Variants in MADD observed in about 807,000 individuals in gnomAD.
The protein encoded by MADD is MAP kinase-activating death domain protein.
MADD carries 109 observed loss-of-function variants against 176.7 expected under a neutral mutation model. That is an observed-to-expected ratio of 0.62 (90% CI 0.53 to 0.72). The LOEUF (loss-of-function observed/expected upper bound fraction) is 0.72. Ranked by LOEUF, MADD falls within the 30% of genes least tolerant of loss-of-function variation. MADD has a pLI of 0.00. For missense variants in MADD, 1,914 were observed against 2,045.5 expected (o/e 0.94, Z 1.24); for synonymous variants, 771 against 771.3 (o/e 1.00, Z 0.01).
chr11:47,328,304 C>G, intron 31 of MADD: 1 of 1,176,980 alleles, frequency 8.5e-7, no homozygotes, highest in Non-Finnish European at 1.1e-6. Context: ...TGGGAATTCC[C>G]CACTGCAGCT....
At chr11:47,328,503 C>T (rs1340947064) in intron 31 of MADD, 155 bp from the exon 36 acceptor site, 2 of 1,498,666 alleles carry the variant, frequency 1.3e-6, no homozygotes, top group Non-Finnish European at 1.8e-6. Context: ...CCTCTGGTGG[C>T]CTCTGCCCTG....
intron 26 of MADD, among the ~76,000 whole-genome samples, chr11:47,314,672 T>C (rs529732092): frequency 2.0e-5 from 3 of 152,304 alleles, no homozygotes; most frequent in East Asian, 3.9e-4. Flanking sequence ...CGTCTATTTA[T>C]CTGAAAAGGC....
chr11:47,302,175 T>C (rs760847053), intron 22 of MADD, among the ~76,000 whole-genome samples: 2 of 152,206 alleles, frequency 1.3e-5, no homozygotes, highest in Non-Finnish European at 2.9e-5. Flanking sequence ...TTATATCCTC[T>C]TATTGTTATT....
chr11:47,329,967 C>T (rs546439947), exon 33 of MADD: 1 of 152,772 alleles, frequency 6.5e-6, no homozygotes, highest in South Asian at 2.1e-4. Flanking sequence ...GTAAATATTT[C>T]AGCCCCACAT....
In MADD at chr11:47,327,085, G is replaced by A. The variant is rs541654837; in HGVS notation, c.4612+278G>A. ...CTCAGTGAAGTAGCACCACCTCCCCGTGCTGGGCCAGCCAGTGGTCAGAAA... is the reference window on the plus strand; with the variant it reads ...CTCAGTGAAGTAGCACCACCTCCCCATGCTGGGCCAGCCAGTGGTCAGAAA... On this transcript the variant is annotated intron_variant, in intron 31 of 32. Transcript: ENST00000402192. The A allele has an allele frequency of 3.7e-4, 436 of 1,163,044 alleles. 6 individuals are homozygous for A. The South Asian group carries it at 0.01, about 28-fold the overall frequency. The allele number at this position is 1,163,044 out of a possible 1,614,324, so 72.0% of individuals were successfully genotyped here. A position where few individuals can be genotyped will look rare whatever the true frequency, so the allele number is the denominator to read the frequency against.
chr11:47,271,666 T>G (rs983206402), intron 1 of MADD, among the ~76,000 whole-genome samples: 10 of 152,140 alleles, frequency 6.6e-5, no homozygotes, highest in Non-Finnish European at 8.8e-5. Flanking sequence ...GAGCTCTGGT[T>G]CTATAAATTC....
intron 19 of MADD, among the ~76,000 whole-genome samples, chr11:47,291,425 CA>C (rs2065182209): frequency 6.6e-6 from 1 of 152,180 alleles, no homozygotes; most frequent in Non-Finnish European, 1.5e-5. Flanking sequence ...GCTTTCTAGG[CA>C]TCACCTCTGT....
exon 23 of MADD, chr11:47,308,665 G>A (rs751658978): frequency 9.3e-6 from 15 of 1,613,928 alleles, no homozygotes; most frequent in African/African-American, 5.3e-5. Flanking sequence ...CTGAAGATGT[G>A]AGCCAGCGAG....
At chr11:47,292,512 T>G in intron 19 of MADD, 31 bp from the exon 21 acceptor site, 8 of 1,609,942 alleles carry the variant, frequency 5.0e-6, no homozygotes, top group Non-Finnish European at 6.8e-6. Context: ...CTTTCTGTCT[T>G]TCTCTCCTGC....
In MADD at chr11:47,276,160, C is replaced by T. The variant is rs376847287; in HGVS notation, c.921C>T (p.Asp307=). 6 of 1,613,696 alleles carry T rather than the reference C, an allele frequency of 3.7e-6. No individual in the cohort carries two copies. In the African/African-American group the frequency reaches 4.0e-5, roughly 11 times the overall value. The change falls in exon 4 of 33, where the codon GAC becomes GAT. Residue 307 remains aspartate (D), a synonymous_variant. Coordinates refer to ENST00000402192, the Ensembl canonical transcript of MADD. The stretch of plus-strand genomic sequence containing the variant: ...TTCCCTTGGAACTTCTAGGTGTGGA[C>T]GCCTGTCTCCAGGTGCTAACCTGCA...
chr11:47,284,231 G>A (rs757492664), exon 11 of MADD: 1 of 1,613,960 alleles, frequency 6.2e-7, no homozygotes, highest in East Asian at 2.2e-5. Context: ...TCCTCCCTTG[G>A]TGACTTTGTC....
At chr11:47,313,569 G>T (rs1285799317) in intron 26 of MADD, among the ~76,000 whole-genome samples, 1 of 151,434 alleles carries the variant, frequency 6.6e-6, no homozygotes. Flanking sequence ...TAGTCAATCC[G>T]CCCACCTTGG....
chr11:47,304,322 G>A (rs967004685), intron 22 of MADD, among the ~76,000 whole-genome samples: 4 of 150,552 alleles, frequency 2.7e-5, no homozygotes, highest in South Asian at 2.1e-4. Context: ...CCTCTGACTC[G>A]TGGGTTAAAG....
rs757707108 is a variant in MADD at position 47,309,037 on chromosome 11, C to T, written c.3752-244C>T. ...GAGGATGCAGCTATGGAGACCTTTT[C>T]TATAAGTAACCACATTTATTTGTGT... is the stretch of plus-strand genomic sequence containing the variant. On this transcript the variant is annotated intron_variant, in intron 23 of 32. Coordinates refer to ENST00000402192, the Ensembl canonical transcript of MADD. 3 of 1,614,058 alleles carry T rather than the reference C, an allele frequency of 1.9e-6. No individual in the cohort carries two copies. In the Admixed American group the frequency reaches 5.0e-5, roughly 27 times the overall value.
intron 16 of MADD, 114 bp from the exon 18 acceptor site, chr11:47,289,753 C>G: frequency 8.1e-7 from 1 of 1,235,096 alleles, no homozygotes; most frequent in Non-Finnish European, 1.1e-6. Context: ...CTTGGACATT[C>G]AGAGACATGG....
At chr11:47,311,646 G>A in intron 25 of MADD, 86 bp from the exon 29 acceptor site, 2 of 818,160 alleles carry the variant, frequency 2.4e-6, no homozygotes, top group Admixed American at 3.9e-5. Flanking sequence ...TCAGATGGTG[G>A]GAAGCCCACT....
rs2095693811 is a variant in MADD, at chr11:47,328,433, CAG to C, written c.4613-222_4613-221del. 3.5e-6 allele frequency: 5 copies of C among 1,432,040 alleles called. No individual in the cohort carries two copies. The South Asian group carries it at 7.5e-5, about 21-fold the overall frequency. 88.7% of individuals were successfully genotyped at this position (1,432,040 alleles called of 1,614,324 possible). ...ATCAAGTAAACGCCACTGCGGATGA[CAG>C]AGGCCTAGCTGAGGAGGCTAGGGCC... On this transcript the variant is annotated intron_variant, in intron 31 of 32. Coordinates refer to ENST00000402192, the Ensembl canonical transcript of MADD.
chr11:47,276,523 G>A (rs2050034204), intron 4 of MADD, among the ~76,000 whole-genome samples: 1 of 152,188 alleles, frequency 6.6e-6, no homozygotes, highest in African/African-American at 2.4e-5. Flanking sequence ...GGAAGGTAAG[G>A]GAGTGATTTG....
chr11:47,328,642 G>T lies in MADD; in HGVS notation c.4613-16G>T, dbSNP rs184864794. ...TGTTGAACTTTCTGTTTTGTCTCTTGCCCGTCCGGTTTTAGTTCCTGAAAT... is the reference window on the plus strand; with the variant it reads ...TGTTGAACTTTCTGTTTTGTCTCTTTCCCGTCCGGTTTTAGTTCCTGAAAT... On this transcript the variant is annotated splice_polypyrimidine_tract_variant and intron_variant, in intron 31 of 32. Transcript: ENST00000402192. The T allele has an allele frequency of 6.2e-7, 1 of 1,614,208 alleles. No homozygotes were observed. The highest frequency in any genetic ancestry group is 8.5e-7 in the Non-Finnish European group (1 of 1,180,040).
Sources: allele counts gnomAD v4.1 joint callset (sites outside exome capture counted in the v4.1 genomes callset), GRCh38; gene constraint gnomAD v4.1.1; transcripts MANE v1.5; gene names NCBI Gene and HGNC (gene_info 2026-07-23, HGNC 2026-07-21).